CTNNA3: variants seen among roughly 807,000 people sequenced by gnomAD.
CTNNA3 encodes catenin alpha-3.
In CTNNA3, 76 loss-of-function variants were observed where a neutral mutation model predicts 95.7. The ratio of observed to expected loss-of-function variants is 0.79; its 90% CI spans 0.66 to 0.96. The LOEUF is 0.96. CTNNA3 is among the 40% of genes least tolerant of loss of function. CTNNA3 has a pLI of 0.00. For synonymous variants in CTNNA3, 431 were observed against 374.4 expected, an observed-to-expected ratio of 1.15 and a Z score of -1.74; for missense variants, 1,191 against 1,089.8, an observed-to-expected ratio of 1.09 and a Z score of -1.31.
At chr10:67,640,757 C>G (rs929528224) in intron 2 of CTNNA3, among the ~76,000 whole-genome samples, 16 of 151,932 alleles carry the variant, frequency 1.1e-4, no homozygotes, top group Non-Finnish European at 1.9e-4. Flanking sequence ...AATGGGGAAA[C>G]GATTCCCTAT....
At chr10:66,177,287 T>TA (rs2085763689) in intron 13 of CTNNA3, among the ~76,000 whole-genome samples, 1 of 151,986 alleles carries the variant, frequency 6.6e-6, no homozygotes, top group Admixed American at 6.6e-5. Flanking sequence ...TTTCCTGGAT[T>TA]TTAAGGTTAG....
intron 3 of CTNNA3, among the ~76,000 whole-genome samples, chr10:67,590,137 T>G (rs1842748674): frequency 6.6e-6 from 1 of 152,120 alleles, no homozygotes; most frequent in South Asian, 2.1e-4. Flanking sequence ...CTCTGTTCTT[T>G]GCAATATCAT....
chr10:67,300,317 CCAT>C (rs1163012911), intron 5 of CTNNA3, among the ~76,000 whole-genome samples: 1 of 152,188 alleles, frequency 6.6e-6, no homozygotes, highest in Non-Finnish European at 1.5e-5. Flanking sequence ...CACTGTCAAA[CCAT>C]CATGAATCCT....
chr10:66,787,600 T>C (rs1840800915), intron 7 of CTNNA3, among the ~76,000 whole-genome samples: 2 of 152,154 alleles, frequency 1.3e-5, no homozygotes, highest in Admixed American at 6.5e-5. Flanking sequence ...TCCCCTTGTC[T>C]AGTTTTGTTA....
intron 1 of CTNNA3, among the ~76,000 whole-genome samples, chr10:67,747,927 A>C (rs1293795550): frequency 1.3e-5 from 2 of 152,242 alleles, no homozygotes; most frequent in African/African-American, 4.8e-5. Flanking sequence ...TGACCTGATG[A>C]AGCTGAAAAA....
At chr10:65,958,574 G>T (rs2133232062) in intron 17 of CTNNA3, among the ~76,000 whole-genome samples, 1 of 152,252 alleles carries the variant, frequency 6.6e-6, no homozygotes, top group Non-Finnish European at 1.5e-5. Flanking sequence ...GGGTTTTGGT[G>T]TGGATGTCCT....
intron 9 of CTNNA3, among the ~76,000 whole-genome samples, chr10:66,650,151 T>C (rs981789219): frequency 3.9e-5 from 6 of 152,230 alleles, no homozygotes; most frequent in African/African-American, 7.2e-5. Context: ...CAGCAGAATA[T>C]ACTTTTTTCT....
intron 5 of CTNNA3, among the ~76,000 whole-genome samples, chr10:67,369,517 ATCT>A (rs1317793776): frequency 2.0e-5 from 3 of 152,196 alleles, no homozygotes; most frequent in Non-Finnish European, 4.4e-5. Flanking sequence ...AACAATTAAA[ATCT>A]TCTCCATGGC....
chr10:66,840,671 G>C (rs1252094480), intron 7 of CTNNA3, among the ~76,000 whole-genome samples: 1 of 151,944 alleles, frequency 6.6e-6, no homozygotes, highest in African/African-American at 2.4e-5. Flanking sequence ...TAATTTATTT[G>C]CTTTCAATGT....
At chr10:66,815,099 T>A (rs1255087995) in intron 7 of CTNNA3, among the ~76,000 whole-genome samples, 2 of 152,028 alleles carry the variant, frequency 1.3e-5, no homozygotes, top group African/African-American at 4.8e-5. Flanking sequence ...ATATTTTATA[T>A]ACAAAAATGA....
intron 11 of CTNNA3, among the ~76,000 whole-genome samples, chr10:66,509,766 G>T (rs556390618): frequency 1.3e-5 from 2 of 151,466 alleles, no homozygotes; most frequent in East Asian, 3.9e-4. Flanking sequence ...TTTTGTTTTT[G>T]TTACTATTAC....
At chr10:67,335,247 G>T (rs959324262) in intron 5 of CTNNA3, among the ~76,000 whole-genome samples, 1 of 152,166 alleles carries the variant, frequency 6.6e-6, no homozygotes, top group African/African-American at 2.4e-5. Context: ...TATGAGTGAG[G>T]CTGCAATGGA....
intron 7 of CTNNA3, among the ~76,000 whole-genome samples, chr10:66,946,205 A>T (rs1363838130): frequency 6.6e-6 from 1 of 152,148 alleles, no homozygotes; most frequent in Non-Finnish European, 1.5e-5. Context: ...ACTCTGTTGG[A>T]TAATTAATTC....
intron 9 of CTNNA3, among the ~76,000 whole-genome samples, chr10:66,694,996 G>A (rs901615465): frequency 6.6e-6 from 1 of 152,064 alleles, no homozygotes; most frequent in African/African-American, 2.4e-5. Context: ...TTGAACAGAG[G>A]CAAAGAAATA....
chr10:67,545,968 T>C (rs1350171485), intron 3 of CTNNA3, among the ~76,000 whole-genome samples: 1 of 152,228 alleles, frequency 6.6e-6, no homozygotes, highest in Admixed American at 6.5e-5. Context: ...TATCTTTTTA[T>C]GAGCAAAATA....
At chr10:66,858,709 G>C (rs1266735064) in intron 7 of CTNNA3, among the ~76,000 whole-genome samples, 2 of 151,736 alleles carry the variant, frequency 1.3e-5, no homozygotes, top group African/African-American at 4.8e-5. Context: ...TGCAGTTTTT[G>C]TACTTCTGTG....
chr10:67,736,157 T>C (rs913089182), intron 1 of CTNNA3, among the ~76,000 whole-genome samples: 1 of 152,188 alleles, frequency 6.6e-6, no homozygotes, highest in Non-Finnish European at 1.5e-5. Flanking sequence ...GGACAAACCT[T>C]GATAACATTA....
At chr10:66,441,007 G>A (rs907903816) in intron 11 of CTNNA3, among the ~76,000 whole-genome samples, 2 of 151,768 alleles carry the variant, frequency 1.3e-5, no homozygotes, top group Non-Finnish European at 2.9e-5. Context: ...GTACTTCTCT[G>A]GCACCAAGCC....
At chr10:65,926,879 A>G (rs914292248) in intron 17 of CTNNA3, among the ~76,000 whole-genome samples, 2 of 152,180 alleles carry the variant, frequency 1.3e-5, no homozygotes, top group African/African-American at 4.8e-5. Context: ...ATTAATTACT[A>G]ATGAAGCTCA....
Sources: gnomAD v4.1 joint callset for allele counts (sites outside exome capture counted in the v4.1 genomes callset) on GRCh38, gnomAD v4.1.1 for gene constraint, MANE v1.5 for transcripts, NCBI Gene and HGNC (gene_info 2026-07-23, HGNC 2026-07-21) for gene names.